The following BICC1 variants were observed in gnomAD, a reference collection of about 807,000 sequenced individuals.
The protein encoded by BICC1 is BicC family RNA binding protein 1.
In BICC1, 43 loss-of-function variants were observed where a neutral mutation model predicts 111.0. The observed-to-expected ratio is 0.39, with a 90% CI of 0.30 to 0.50. BICC1 has a LOEUF of 0.50. Among genes scored for constraint, BICC1 ranks in the 20% least tolerant of loss-of-function variants. BICC1 has a pLI of 0.88. For synonymous variants in BICC1, 467 were observed against 434.4 expected, an observed-to-expected ratio of 1.07 and a Z score of -0.93; for missense variants, 1,091 against 1,203.2, an observed-to-expected ratio of 0.91 and a Z score of 1.38.
At chr10:58,586,260 T>C (rs1423396706) in intron 1 of BICC1, among the ~76,000 whole-genome samples, 7 of 152,154 alleles carry the variant, frequency 4.6e-5, no homozygotes, top group Non-Finnish European at 1.0e-4. Flanking sequence ...ATTTCAGATA[T>C]TGTCAAAGAT....
At chr10:58,730,239 A>G (rs1841245489) in intron 3 of BICC1, among the ~76,000 whole-genome samples, 1 of 152,230 alleles carries the variant, frequency 6.6e-6, no homozygotes, top group East Asian at 1.9e-4. Flanking sequence ...GAAACCCAGC[A>G]GGACAGTCAT....
At chr10:58,686,093 G>C (rs1839715186) in intron 2 of BICC1, among the ~76,000 whole-genome samples, 1 of 152,160 alleles carries the variant, frequency 6.6e-6, no homozygotes, top group Non-Finnish European at 1.5e-5. Context: ...TTGTTTGTCT[G>C]TAAAGGATTT....
chr10:58,795,137 TAAG>T (rs1367903937), intron 9 of BICC1, among the ~76,000 whole-genome samples: 5 of 151,806 alleles, frequency 3.3e-5, no homozygotes, highest in East Asian at 1.9e-4. Context: ...AAATCCGAAA[TAAG>T]AAAATAACAC....
chr10:58,725,373 A>T (rs1451220668), intron 3 of BICC1, among the ~76,000 whole-genome samples: 1 of 152,156 alleles, frequency 6.6e-6, no homozygotes, highest in East Asian at 1.9e-4. Flanking sequence ...GATGTAATTC[A>T]GCAAACATTT....
rs184768791 is a variant in BICC1 at position 58,628,052 on chromosome 10, A to G, written c.237+7151A>G. Among the ~76,000 whole-genome samples the G allele has an allele frequency of 7.3e-4, 111 of 152,264 alleles. No homozygotes were observed. In the East Asian group the frequency reaches 0.02, roughly 28 times the overall value. The stretch of plus-strand genomic sequence containing the variant: ...TAAATAGCTTGACTCAAATTTTGTT[A>G]TATATGTTTATGCCTAATAAATGAC... On this transcript the variant is annotated intron_variant, in intron 2 of 20. Coordinates refer to ENST00000373886, the MANE Select transcript of BICC1 (RefSeq NM_001080512.3).
intron 1 of BICC1, among the ~76,000 whole-genome samples, chr10:58,530,442 C>A (rs1842650932): frequency 6.6e-6 from 1 of 151,692 alleles, no homozygotes; most frequent in Non-Finnish European, 1.5e-5. Context: ...CCTTCTGGGG[C>A]CTGCCTTTCC....
intron 2 of BICC1, among the ~76,000 whole-genome samples, chr10:58,698,782 C>T (rs1840141341): frequency 6.6e-6 from 1 of 152,136 alleles, no homozygotes; most frequent in Non-Finnish European, 1.5e-5. Flanking sequence ...GTTCTCACAA[C>T]AACTTTAGAA....
chr10:58,724,113 G>A (rs927788820), intron 3 of BICC1, among the ~76,000 whole-genome samples: 6 of 152,140 alleles, frequency 3.9e-5, no homozygotes, highest in Non-Finnish European at 8.8e-5. Context: ...TGAAACAGCC[G>A]ATCAGTGCTT....
intron 1 of BICC1, among the ~76,000 whole-genome samples, chr10:58,607,183 GTGCA>G (rs1046040315): frequency 1.3e-5 from 2 of 151,984 alleles, no homozygotes; most frequent in African/African-American, 4.8e-5. Flanking sequence ...GAGTGTGGTG[GTGCA>G]TGCCTGTAAT....
intron 1 of BICC1, among the ~76,000 whole-genome samples, chr10:58,580,948 A>G (rs1329584437): frequency 6.6e-6 from 1 of 152,168 alleles, no homozygotes; most frequent in Non-Finnish European, 1.5e-5. Flanking sequence ...CAACCTTTGT[A>G]TTTTATTTAG....
chr10:58,731,065 A>G (rs78740117), intron 3 of BICC1, among the ~76,000 whole-genome samples: 4,257 of 152,294 alleles, frequency 0.028, 113 homozygotes, highest in Non-Finnish European at 0.044. Flanking sequence ...GCTCATGCAT[A>G]TGAGCATATG....
chr10:58,740,192 C>G (rs1295903400), intron 3 of BICC1, among the ~76,000 whole-genome samples: 1 of 152,156 alleles, frequency 6.6e-6, no homozygotes, highest in Non-Finnish European at 1.5e-5. Context: ...GGAATGGTAG[C>G]TATTACTATG....
At chr10:58,657,653 G>T (rs1254963698) in intron 2 of BICC1, among the ~76,000 whole-genome samples, 2 of 152,226 alleles carry the variant, frequency 1.3e-5, no homozygotes, top group East Asian at 1.9e-4. Context: ...GTACAAAGGG[G>T]TATATATAAT....
intron 8 of BICC1, 106 bp from the exon 9 acceptor site, chr10:58,793,377 GT>G (rs1843240108): frequency 9.5e-7 from 1 of 1,048,380 alleles, no homozygotes; most frequent in African/African-American, 1.6e-5. Flanking sequence ...CTTCAGTTTA[GT>G]CTTTAAATCT....
chr10:58,750,672 T>C (rs1589100348), intron 3 of BICC1, among the ~76,000 whole-genome samples: 1 of 152,172 alleles, frequency 6.6e-6, no homozygotes, highest in East Asian at 1.9e-4. Context: ...AAAGTCTACA[T>C]GTTGGATATT....
intron 1 of BICC1, among the ~76,000 whole-genome samples, chr10:58,554,218 C>T (rs967240574): frequency 6.6e-6 from 1 of 152,060 alleles, no homozygotes; most frequent in Non-Finnish European, 1.5e-5. Flanking sequence ...GGTGGTTGTA[C>T]TAATTCTACA....
At chr10:58,783,621 AAAG>A (rs1564611137) in intron 3 of BICC1, among the ~76,000 whole-genome samples, 11 of 151,938 alleles carry the variant, frequency 7.2e-5, no homozygotes, top group Admixed American at 4.6e-4. Context: ...GAAAGGTGTG[AAAG>A]GTGTGAAAGG....
At chr10:58,556,382 GC>G (rs1200838056) in intron 1 of BICC1, among the ~76,000 whole-genome samples, 2 of 152,008 alleles carry the variant, frequency 1.3e-5, no homozygotes, top group Non-Finnish European at 2.9e-5. Flanking sequence ...TTCTTGATGG[GC>G]CATAAATCCC....
intron 1 of BICC1, among the ~76,000 whole-genome samples, chr10:58,576,606 G>T (rs917417045): frequency 1.3e-5 from 2 of 152,068 alleles, no homozygotes; most frequent in African/African-American, 4.8e-5. Flanking sequence ...TTAAACTAGA[G>T]AATTATTTGT....
Sources: allele counts gnomAD v4.1 joint callset (sites outside exome capture counted in the v4.1 genomes callset), GRCh38; gene constraint gnomAD v4.1.1; transcripts MANE v1.5; gene names NCBI Gene and HGNC (gene_info 2026-07-23, HGNC 2026-07-21).